Variants in MPG observed in about 807,000 individuals in gnomAD.
MPG encodes the protein DNA-3-methyladenine glycosylase.
A neutral mutation model predicts 31.7 loss-of-function variants in MPG; 33 were observed. The observed-to-expected ratio is 1.04, with a 90% CI of 0.79 to 1.39. The LOEUF (loss-of-function observed/expected upper bound fraction) is 1.39. Ranked by LOEUF, MPG falls within the 40% of genes most tolerant of loss-of-function variation. The pLI is 0.00. For synonymous variants in MPG, 202 were observed against 169.2 expected, an observed-to-expected ratio of 1.19 and a Z score of -1.51; for missense variants, 455 against 415.5, an observed-to-expected ratio of 1.10 and a Z score of -0.83.
intron 3 of MPG, 35 bp from the exon 4 acceptor site, chr16:85,366 A>AGGGAGG: frequency 6.4e-7 from 1 of 1,562,668 alleles, no homozygotes. Context: ...ACAGGAGCCT[A>AGGGAGG]GGGAGGCTCC....
intron 3 of MPG, among the ~76,000 whole-genome samples, chr16:83,999 T>C (rs185731973): frequency 1.3e-4 from 19 of 151,898 alleles, no homozygotes; most frequent in African/African-American, 4.3e-4. Flanking sequence ...ATCAAAGGGG[T>C]CATGTTTTTG....
intron 2 of MPG, among the ~76,000 whole-genome samples, chr16:81,621 C>T (rs1898239225): frequency 6.8e-6 from 1 of 147,128 alleles, no homozygotes; most frequent in South Asian, 2.1e-4. Context: ...CTCCTGAATG[C>T]TCCCCACACT....
chr16:81,471 C>T (rs1422712728), intron 2 of MPG, among the ~76,000 whole-genome samples: 1 of 152,166 alleles, frequency 6.6e-6, no homozygotes, highest in African/African-American at 2.4e-5. Flanking sequence ...TGGAACAGGG[C>T]CACCCTTTCT....
chr16:78,566 C>T (rs1898154840), intron 1 of MPG, among the ~76,000 whole-genome samples: 1 of 152,228 alleles, frequency 6.6e-6, no homozygotes, highest in African/African-American at 2.4e-5. Context: ...GCTGCGGAGA[C>T]GGTCACGTCA....
At chr16:79,168 A>C in intron 1 of MPG, 5 of 1,528,558 alleles carry the variant, frequency 3.3e-6, no homozygotes, top group Non-Finnish European at 8.8e-7. Flanking sequence ...CATGCCGTGC[A>C]GCTCGCACAT....
chr16:82,701 C>T (rs927282025), intron 2 of MPG, among the ~76,000 whole-genome samples: 1 of 152,160 alleles, frequency 6.6e-6, no homozygotes, highest in Non-Finnish European at 1.5e-5. Flanking sequence ...TTCTCAAGGG[C>T]ACTTGGGAAA....
In MPG at chr16:78,233, G is replaced by A. The variant is rs1181831565; in HGVS notation, c.-77G>A. 3.0e-6 allele frequency: 4 copies of A among 1,322,462 alleles called. No individual in the cohort carries two copies. The highest frequency in any genetic ancestry group is 1.6e-5 in the South Asian group (1 of 63,230). The allele number at this position is 1,322,462 out of a possible 1,614,324, so 81.9% of individuals were successfully genotyped here. A position where few individuals can be genotyped will look rare whatever the true frequency, so the allele number is the denominator to read the frequency against. On this transcript the variant is annotated 5_prime_UTR_variant, in exon 1 of 4. Transcript: ENST00000356432. ...AGGCGCCGCTCCGCCCCGGTCCTAG[G>A]GGTGCTTCCGTGGTCGGCGGCTGCT... is the stretch of plus-strand genomic sequence containing the variant.
In MPG at chr16:83,011, C is replaced by T. The variant is rs780135210; in HGVS notation, c.301-41C>T. The T allele has an allele frequency of 5.9e-6, 9 of 1,517,858 alleles. No individual in the cohort carries two copies. In the African/African-American group the frequency reaches 8.3e-5, roughly 14 times the overall value. 94.0% of individuals were successfully genotyped at this position (1,517,858 alleles called of 1,614,324 possible). ...TGGGCACTGTTAGGGTGAGTGGACC[C>T]CCATCCCTTCCCGCCCTGAGCAGAA... is the stretch of plus-strand genomic sequence containing the variant. On this transcript the variant is annotated intron_variant, in intron 2 of 3. Coordinates refer to ENST00000356432, the MANE Select transcript of MPG (RefSeq NM_001015052.3).
Position 79,849 on chromosome 16 carries a change from T to A in MPG, c.300+149T>A. 4.6e-6 allele frequency: 4 copies of A among 867,148 alleles called. No homozygotes were observed. The South Asian group carries it at 7.0e-5, about 15-fold the overall frequency. The allele number at this position is 867,148 out of a possible 1,614,324, so 53.7% of individuals were successfully genotyped here. On this transcript the variant is annotated intron_variant, in intron 2 of 3. Coordinates refer to ENST00000356432, the MANE Select transcript of MPG (RefSeq NM_001015052.3). ...GGCTTTGCTCACACTGGTCCCTGCTTAGCTTCATCTCAGTTGCCTGAGGTC... is the reference window on the plus strand; with the variant it reads ...GGCTTTGCTCACACTGGTCCCTGCTAAGCTTCATCTCAGTTGCCTGAGGTC...
chr16:82,167 ATCTCCGGGAAGC>A lies in MPG; in HGVS notation c.301-884_301-873del, dbSNP rs1567124442. ...GCTGGCCCCTTCTTCCCACCACCCT[ATCTCCGGGAAGC>A]CCTCCTGAATGCTCCCCGCGCTGAC... On this transcript the variant is annotated intron_variant, in intron 2 of 3. Coordinates refer to ENST00000356432, the MANE Select transcript of MPG (RefSeq NM_001015052.3). 2.2e-4 allele frequency among the ~76,000 whole-genome samples: 17 copies of A among 75,566 alleles called. 3 individuals are homozygous for A. The highest frequency in any genetic ancestry group is 3.1e-4 in the African/African-American group (4 of 12,758). The allele number at this position is 75,566 out of a possible 152,430, so 49.6% of individuals were successfully genotyped here. A position where few individuals can be genotyped will look rare whatever the true frequency, so the allele number is the denominator to read the frequency against.
At position 81,742 on chromosome 16, in the gene MPG, C is replaced by T. The variant is rs1372739454; in HGVS notation, c.301-1310C>T. On this transcript the variant is annotated intron_variant, in intron 2 of 3. Coordinates refer to ENST00000356432, the MANE Select transcript of MPG (RefSeq NM_001015052.3). ...GGGAAGGCCTCCTGAATGCTCCCCA[C>T]ACTGACCCCTTCTTCCCACCACCCT... Among the ~76,000 whole-genome samples the T allele has an allele frequency of 8.2e-5, 8 of 97,766 alleles. 1 individual carries two copies. Among genetic ancestry groups the T allele is most frequent in the Admixed American group, 8.1e-4 (8 of 9,872 alleles). The allele number at this position is 97,766 out of a possible 152,430, so 64.1% of individuals were successfully genotyped here.
In MPG at chr16:83,175, C is replaced by T. The variant is rs374287828; in HGVS notation, c.424C>T (p.Arg142Ter). ...SRGGRQTPRN[R>*]GMFMKPGTLY... is the part of the protein sequence containing the mutation. The stretch of plus-strand genomic sequence containing the variant: ...GGGTGGCCGGCAGACCCCCCGCAAC[C>T]GAGGCATGTTCATGAAGCCGGGGAC... Residue 142 changes from arginine (R) to a stop codon, truncating the protein, a stop_gained, in exon 3 of 4, where the codon CGA (arginine) becomes TGA (stop). Coordinates refer to ENST00000356432, the MANE Select transcript of MPG (RefSeq NM_001015052.3). LOFTEE classifies it high-confidence loss of function. The T allele has an allele frequency of 3.9e-5, 63 of 1,613,104 alleles. No individual in the cohort carries two copies. The highest frequency in any genetic ancestry group is 4.7e-5 in the Non-Finnish European group (56 of 1,179,962).
intron 2 of MPG, among the ~76,000 whole-genome samples, chr16:82,018 TGCTCCCC>T (rs1898256830): frequency 8.1e-6 from 1 of 123,020 alleles, no homozygotes; most frequent in Non-Finnish European, 1.5e-5. Flanking sequence ...CCCTCCTGAA[TGCTCCCC>T]ACGCTGGCCC....
intron 1 of MPG, 127 bp downstream of exon 1, chr16:78,460 A>G: frequency 2.3e-6 from 2 of 856,856 alleles, no homozygotes; most frequent in Non-Finnish European, 3.0e-6. Flanking sequence ...GGTTCGGGGC[A>G]GAGCCAGAGC....
chr16:85,651 G>C lies in MPG; in HGVS notation c.756G>C (p.Val252=). ...TGGAGCCCAGTGAGCCGGCTGTAGT[G>C]GCAGCAGCCCGGGTGGGCGTCGGCC... is the stretch of plus-strand genomic sequence containing the variant. ...GPLEPSEPAV[V]AAARVGVGHA... The change falls in exon 4 of 4, where the codon GTG becomes GTC. Residue 252 remains valine, a synonymous_variant. Coordinates refer to ENST00000356432, the MANE Select transcript of MPG (RefSeq NM_001015052.3). 6.3e-7 allele frequency: 1 copy of C among 1,590,294 alleles called. No homozygotes were observed. The highest frequency in any genetic ancestry group is 8.6e-7 in the Non-Finnish European group (1 of 1,164,034).
chr16:78,273 G>A lies in MPG; in HGVS notation c.-37G>A. ...CGGCGGCTGCTGGGCTCCGCGCCGG[G>A]GTCCGAGTCCCACGAAGCCCCGGCC... On this transcript the variant is annotated 5_prime_UTR_variant, in exon 1 of 4. Transcript: ENST00000356432. 1 of 1,369,118 alleles carries A rather than the reference G, an allele frequency of 7.3e-7. No individual in the cohort carries two copies. Among genetic ancestry groups the A allele is most frequent in the Non-Finnish European group, 9.5e-7 (1 of 1,057,216 alleles). 84.8% of individuals were successfully genotyped at this position (1,369,118 alleles called of 1,614,324 possible).
intron 1 of MPG, chr16:79,093 G>A: frequency 6.9e-7 from 1 of 1,447,968 alleles, no homozygotes; most frequent in Non-Finnish European, 9.1e-7. Flanking sequence ...GAATCGGAGG[G>A]CACCAGCCCT....
chr16:79,812 C>A, intron 2 of MPG, 112 bp downstream of exon 2: 1 of 1,253,296 alleles, frequency 8.0e-7, no homozygotes, highest in Non-Finnish European at 1.1e-6. Context: ...TCCTTGTCCT[C>A]ATGCATTTAG....
chr16:78,266 G>T lies in MPG; in HGVS notation c.-44G>T. The T allele has an allele frequency of 7.3e-7, 1 of 1,369,904 alleles. No individual in the cohort carries two copies. Among genetic ancestry groups the T allele is most frequent in the East Asian group, 3.2e-5 (1 of 30,998 alleles). 84.9% of individuals were successfully genotyped at this position (1,369,904 alleles called of 1,614,324 possible). On this transcript the variant is annotated 5_prime_UTR_variant, in exon 1 of 4. Coordinates refer to ENST00000356432, the MANE Select transcript of MPG (RefSeq NM_001015052.3). ...CCGTGGTCGGCGGCTGCTGGGCTCC[G>T]CGCCGGGGTCCGAGTCCCACGAAGC...
Sources: allele counts gnomAD v4.1 joint callset (sites outside exome capture counted in the v4.1 genomes callset), GRCh38; gene constraint gnomAD v4.1.1; transcripts MANE v1.5; gene names NCBI Gene and HGNC (gene_info 2026-07-23, HGNC 2026-07-21).